Variants in DAB1 observed in about 807,000 individuals in gnomAD.
DAB1 encodes the protein disabled homolog 1.
DAB1 carries 15 observed loss-of-function variants against 64.6 expected under a neutral mutation model. The ratio of observed to expected loss-of-function variants is 0.23; its 90% CI spans 0.16 to 0.36. DAB1 has a LOEUF of 0.36. Ranked by LOEUF, DAB1 falls within the 10% of genes least tolerant of loss-of-function variation. The pLI, the probability that DAB1 is intolerant of heterozygous loss-of-function variation, is 1.00. For synonymous variants in DAB1, 235 were observed against 251.9 expected (o/e 0.93, Z 0.64); for missense variants, 596 against 706.7 (o/e 0.84, Z 1.78).
At chr1:57,911,786 T>C (rs948075787) in intron 5 of DAB1, among the ~76,000 whole-genome samples, 3 of 152,226 alleles carry the variant, frequency 2.0e-5, no homozygotes, top group Non-Finnish European at 4.4e-5. Flanking sequence ...AGCCCCTCAG[T>C]AGTGCAGCTT....
At chr1:57,773,564 T>A (rs968164188) in intron 6 of DAB1, among the ~76,000 whole-genome samples, 2 of 152,074 alleles carry the variant, frequency 1.3e-5, no homozygotes, top group Non-Finnish European at 2.9e-5. Context: ...CTATATGTCT[T>A]GAGAAATACG....
intron 2 of DAB1, among the ~76,000 whole-genome samples, chr1:57,274,431 T>C (rs779200552): frequency 1.3e-5 from 2 of 152,178 alleles, no homozygotes; most frequent in African/African-American, 2.4e-5. Flanking sequence ...GAGTGTCTTA[T>C]ATAAGTTAAG....
intron 4 of DAB1, among the ~76,000 whole-genome samples, chr1:58,317,042 G>A (rs1422039758): frequency 6.6e-6 from 1 of 152,170 alleles, no homozygotes. Context: ...AAATTCTTCT[G>A]TGCTTAGCAA....
chr1:57,028,272 CT>C (rs1468342012), intron 9 of DAB1, among the ~76,000 whole-genome samples: 1 of 152,178 alleles, frequency 6.6e-6, no homozygotes, highest in Non-Finnish European at 1.5e-5. Flanking sequence ...TCCAATTTTG[CT>C]TCTTCCTCAC....
At chr1:58,089,300 G>A (rs762762510) in intron 5 of DAB1, among the ~76,000 whole-genome samples, 5 of 152,260 alleles carry the variant, frequency 3.3e-5, no homozygotes, top group Non-Finnish European at 7.3e-5. Context: ...CGGCATTGTT[G>A]CAAGGGTTAA....
intron 7 of DAB1, among the ~76,000 whole-genome samples, chr1:57,630,062 C>T (rs1284039182): frequency 6.6e-6 from 1 of 152,138 alleles, no homozygotes; most frequent in Non-Finnish European, 1.5e-5. Context: ...ATCCCTTCCA[C>T]CTGGATGCTT....
intron 6 of DAB1, among the ~76,000 whole-genome samples, chr1:57,814,084 T>A (rs752259999): frequency 1.2e-4 from 18 of 152,208 alleles, no homozygotes; most frequent in Non-Finnish European, 2.5e-4. Context: ...TCTATTATTT[T>A]TTCATCAGGC....
At chr1:58,281,624 T>C (rs1409376771) in intron 4 of DAB1, among the ~76,000 whole-genome samples, 1 of 152,132 alleles carries the variant, frequency 6.6e-6, no homozygotes, top group Non-Finnish European at 1.5e-5. Context: ...TTTTGATGGC[T>C]TCACATTATC....
At chr1:57,911,810 T>C (rs1241174271) in intron 5 of DAB1, among the ~76,000 whole-genome samples, 1 of 152,222 alleles carries the variant, frequency 6.6e-6, no homozygotes, top group African/African-American at 2.4e-5. Context: ...AAAGAGGGAC[T>C]GGTGGGCTCT....
chr1:57,518,336 C>T (rs1644486794), intron 7 of DAB1, among the ~76,000 whole-genome samples: 1 of 152,110 alleles, frequency 6.6e-6, no homozygotes, highest in African/African-American at 2.4e-5. Context: ...CACGCCACTC[C>T]CTTCTGAATA....
At chr1:58,360,373 A>G (rs6692142) in intron 3 of DAB1, among the ~76,000 whole-genome samples, 7,817 of 152,156 alleles carry the variant, frequency 0.051, 308 homozygotes, top group East Asian at 0.18. Context: ...TGACTATAAA[A>G]CACATTTGTG....
rs1651564249 is a variant in DAB1 at position 57,810,404 on chromosome 1, G to A, written n.551+73595C>T. On this transcript the variant is annotated intron_variant and non_coding_transcript_variant, in intron 6 of 20. Coordinates refer to the DAB1 transcript ENST00000485760. ...AATAATGAATAAAAATTAGCCAAGT[G>A]AACAAATTAGGAAGTGTGCATATGT... Among the ~76,000 whole-genome samples the A allele has an allele frequency of 2.0e-5, 3 of 152,144 alleles. No individual in the cohort carries two copies. The South Asian group carries it at 6.2e-4, about 32-fold the overall frequency.
At chr1:57,187,608 T>C (rs961204868) in intron 2 of DAB1, among the ~76,000 whole-genome samples, 3 of 152,208 alleles carry the variant, frequency 2.0e-5, no homozygotes, top group African/African-American at 7.2e-5. Context: ...GCTATCTTGT[T>C]CTTTGACGTT....
intron 9 of DAB1, among the ~76,000 whole-genome samples, chr1:57,045,438 C>T (rs370042546): frequency 1.5e-3 from 235 of 152,284 alleles, no homozygotes; most frequent in South Asian, 5.2e-3. Flanking sequence ...TGGCTCATGC[C>T]TGTAATCCTA....
At chr1:57,254,474 TG>T (rs1400454409) in intron 2 of DAB1, among the ~76,000 whole-genome samples, 3 of 152,246 alleles carry the variant, frequency 2.0e-5, no homozygotes, top group Non-Finnish European at 4.4e-5. Context: ...CAGAAATCAT[TG>T]CTCTTGCTAG....
intron 4 of DAB1, among the ~76,000 whole-genome samples, chr1:57,088,140 G>A (rs142757809): frequency 0.022 from 3,306 of 152,210 alleles, 123 homozygotes; most frequent in African/African-American, 0.075. Flanking sequence ...GCCCAAACTC[G>A]GCTCACTACA....
At chr1:57,963,107 C>G (rs1857371) in intron 5 of DAB1, among the ~76,000 whole-genome samples, 1 of 151,874 alleles carries the variant, frequency 6.6e-6, no homozygotes, top group Non-Finnish European at 1.5e-5. Context: ...CATTCAACCA[C>G]AAATTAAAAT....
intron 7 of DAB1, among the ~76,000 whole-genome samples, chr1:57,456,145 G>C (rs1347226757): frequency 6.6e-6 from 1 of 152,174 alleles, no homozygotes; most frequent in South Asian, 2.1e-4. Flanking sequence ...ATCACACAGA[G>C]TGAGCTTCTT....
chr1:58,389,324 A>C (rs972243058), intron 3 of DAB1, among the ~76,000 whole-genome samples: 15 of 152,148 alleles, frequency 9.9e-5, no homozygotes, highest in Non-Finnish European at 2.1e-4. Context: ...TATAGCCCCA[A>C]CTACTCAGGA....
Sources: gnomAD v4.1 joint callset for allele counts (sites outside exome capture counted in the v4.1 genomes callset) on GRCh38, gnomAD v4.1.1 for gene constraint, MANE v1.5 for transcripts, NCBI Gene and HGNC (gene_info 2026-07-23, HGNC 2026-07-21) for gene names.